The following RC3H2 variants were observed in gnomAD, a reference collection of about 807,000 sequenced individuals.
RC3H2 encodes roquin-2.
A neutral mutation model predicts 133.3 loss-of-function variants in RC3H2; 31 were observed. The ratio of observed to expected loss-of-function variants is 0.23; its 90% CI spans 0.17 to 0.31. RC3H2 has a LOEUF of 0.31. Among genes scored for constraint, RC3H2 ranks in the 10% least tolerant of loss-of-function variants. The probability of loss-of-function intolerance (pLI) is 1.00; values close to 1 mark genes in which losing one functional copy is unlikely to be tolerated. For missense variants in RC3H2, 1,175 were observed against 1,437.2 expected, an observed-to-expected ratio of 0.82 and a Z score of 2.95; for synonymous variants, 517 against 502.2, an observed-to-expected ratio of 1.03 and a Z score of -0.40.
At chr9:122,858,573 C>T (rs143886635) in intron 12 of RC3H2, 96 bp downstream of exon 12, 27 of 1,006,932 alleles carry the variant, frequency 2.7e-5, no homozygotes, top group Non-Finnish European at 3.7e-5. Flanking sequence ...TTAAGTCACA[C>T]AATTAGTAAG....
At position 122,854,241 on chromosome 9, in the gene RC3H2, A is replaced by G. The variant is rs1830160620; in HGVS notation, c.2926T>C (p.Ser976Pro). ...ERDRFIVTDL[S>P]GHRKHSSTGD... Reference sequence around the variant, plus strand: ...GTACTGGAATGCTTTCTATGACCAGATAAATCAGTAACAATGAATCTGTCC... The same window carrying G: ...GTACTGGAATGCTTTCTATGACCAGGTAAATCAGTAACAATGAATCTGTCC... The change falls in exon 17 of 21, where the codon TCT (serine) becomes CCT (proline). Residue 976 changes from serine (S) to proline (P), a missense_variant. This residue lies in a region of RC3H2 where 138 missense variants were observed against 215.0 expected (regional missense o/e 0.64). Coordinates refer to ENST00000357244, the MANE Select transcript of RC3H2 (RefSeq NM_001100588.3). The G allele has an allele frequency of 2.5e-6, 4 of 1,613,586 alleles. No homozygotes were observed. The highest frequency in any genetic ancestry group is 3.4e-6 in the Non-Finnish European group (4 of 1,179,736).
At chr9:122,873,383 G>A (rs1049149161) in intron 9 of RC3H2, among the ~76,000 whole-genome samples, 1 of 152,150 alleles carries the variant, frequency 6.6e-6, no homozygotes, top group Non-Finnish European at 1.5e-5. Context: ...CTGAGTTTAT[G>A]TTATCAGGTG....
intron 8 of RC3H2, among the ~76,000 whole-genome samples, chr9:122,879,495 C>T (rs1354371709): frequency 2.0e-5 from 3 of 151,786 alleles, no homozygotes; most frequent in Non-Finnish European, 4.4e-5. Context: ...TGAGACAAAA[C>T]GTTTGGAATC....
At chr9:122,857,008 T>C (rs1353361739) in intron 13 of RC3H2, among the ~76,000 whole-genome samples, 6 of 152,218 alleles carry the variant, frequency 3.9e-5, no homozygotes, top group Admixed American at 2.0e-4. Flanking sequence ...GGATCTAGTT[T>C]AAAAATTCAA....
chr9:122,904,590 G>A (rs1202475170), intron 1 of RC3H2, among the ~76,000 whole-genome samples: 3 of 152,148 alleles, frequency 2.0e-5, no homozygotes, highest in Non-Finnish European at 2.9e-5. Flanking sequence ...CACAACCCCT[G>A]TGCAACCACT....
intron 18 of RC3H2, among the ~76,000 whole-genome samples, chr9:122,852,800 G>A (rs1355559256): frequency 2.0e-5 from 3 of 151,490 alleles, no homozygotes; most frequent in South Asian, 2.1e-4. Flanking sequence ...CCATCCGGGA[G>A]GTGAGGGGCG....
At chr9:122,855,937 A>G in intron 13 of RC3H2, 59 bp from the exon 14 acceptor site, 1 of 1,375,994 alleles carries the variant, frequency 7.3e-7, no homozygotes, top group Non-Finnish European at 9.9e-7. Flanking sequence ...ACAAGCTTGT[A>G]ACTAATATAA....
chr9:122,854,871 A>G lies in RC3H2; in HGVS notation c.2816-256T>C, dbSNP rs145296333. 3.3e-3 allele frequency among the ~76,000 whole-genome samples: 509 copies of G among 152,252 alleles called. 1 individual carries two copies. Among genetic ancestry groups the G allele is most frequent in the African/African-American group, 0.012 (489 of 41,548 alleles). On this transcript the variant is annotated intron_variant, in intron 15 of 20. Transcript: ENST00000357244. The stretch of plus-strand genomic sequence containing the variant: ...GTAATCCCAGCACTTTGCGAGGCTG[A>G]GGCGGGTGGATCACATGAGGCCAGG...
chr9:122,904,803 G>A (rs1016976088), intron 1 of RC3H2, among the ~76,000 whole-genome samples: 13 of 152,332 alleles, frequency 8.5e-5, no homozygotes, highest in Non-Finnish European at 1.9e-4. Flanking sequence ...GTAGAAAAGG[G>A]AGAGTGAAGC....
chr9:122,865,327 A>G (rs1311272268), intron 10 of RC3H2, 22 bp downstream of exon 10: 2 of 1,561,524 alleles, frequency 1.3e-6, no homozygotes, highest in Non-Finnish European at 1.7e-6. Context: ...ATTTCCAGTA[A>G]TCATTTTTAC....
At chr9:122,867,249 G>A (rs566961357) in intron 9 of RC3H2, among the ~76,000 whole-genome samples, 195 of 90,362 alleles carry the variant, frequency 2.2e-3, no homozygotes, top group Middle Eastern at 6.3e-3. Context: ...TCAGCCCCCC[G>A]CCCGGCCAGC....
intron 1 of RC3H2, among the ~76,000 whole-genome samples, chr9:122,902,689 T>A (rs984542969): frequency 6.6e-6 from 1 of 151,906 alleles, no homozygotes; most frequent in Non-Finnish European, 1.5e-5. Context: ...CCATCTCTAC[T>A]AAAAATACAA....
At chr9:122,892,871 G>A in intron 3 of RC3H2, 38 bp downstream of exon 3, 1 of 1,495,008 alleles carries the variant, frequency 6.7e-7, no homozygotes, top group South Asian at 1.1e-5. Context: ...GTACTACCAA[G>A]TCCTACTTAT....
At position 122,849,305 on chromosome 9, in the gene RC3H2, T is replaced by G. The variant is rs1331515230; in HGVS notation, c.*322A>C. The G allele has an allele frequency of 6.6e-6, 1 of 152,288 alleles. No homozygotes were observed. The highest frequency in any genetic ancestry group is 2.4e-5 in the African/African-American group (1 of 41,452). The allele number at this position is 152,288 out of a possible 1,614,324, so 9.4% of individuals were successfully genotyped here. On this transcript the variant is annotated 3_prime_UTR_variant, in exon 21 of 21. Coordinates refer to ENST00000357244, the MANE Select transcript of RC3H2 (RefSeq NM_001100588.3). ...TTGTTAATTTTCTATAGAAGCCATT[T>G]AAAATAGGAAATGGCTCAGTTACTG...
Position 122,854,193 on chromosome 9 carries a change from G to T in RC3H2, c.2974C>A (p.Leu992Ile). ...SSTGDLLSLE[L>I]QQAKSNSLLL... Reference sequence around the variant, plus strand: ...TGAGTTACAGAGCCTACCTGCTGAAGTTCAAGGCTCAAAAGGTCCCCAGTA... The same window carrying T: ...TGAGTTACAGAGCCTACCTGCTGAATTTCAAGGCTCAAAAGGTCCCCAGTA... Residue 992 changes from leucine to isoleucine, a missense_variant, in exon 17 of 21, where the codon CTT becomes ATT. Physicochemically the swap from Leu to Ile is conservative, Grantham distance 5. This residue lies in a region of RC3H2 where 138 missense variants were observed against 215.0 expected (regional missense o/e 0.64). Coordinates refer to ENST00000357244, the MANE Select transcript of RC3H2 (RefSeq NM_001100588.3). 1 of 1,613,824 alleles carries T rather than the reference G, an allele frequency of 6.2e-7. No individual in the cohort carries two copies. Among genetic ancestry groups the T allele is most frequent in the Non-Finnish European group, 8.5e-7 (1 of 1,179,856 alleles).
At position 122,897,373 on chromosome 9, in the gene RC3H2, T is replaced by C; in HGVS notation, c.137A>G (p.His46Arg). 4 of 1,614,204 alleles carry C rather than the reference T, an allele frequency of 2.5e-6. No individual in the cohort carries two copies. The highest frequency in any genetic ancestry group is 3.4e-6 in the Non-Finnish European group (4 of 1,180,020). Residue 46 changes from histidine to arginine, a missense_variant, in exon 2 of 21, where the codon CAT (histidine) becomes CGT (arginine). By Grantham distance (29) the His-to-Arg change is conservative. Around this residue, in one of 8 missense-constraint regions of RC3H2, gnomAD observed 41 missense variants for 88.0 expected, o/e 0.47. Transcript: ENST00000357244. Reference protein sequence around the residue: ...TVCKTCLNKLHRKACPFDQTA... With the variant: ...TVCKTCLNKLRRKACPFDQTA... ...CTGGTCAAAAGGACAAGCTTTTCGA[T>C]GAAGTTTATTCAAGCAGGTCTTGCA...
At chr9:122,852,467 C>T (rs1344738507) in intron 18 of RC3H2, among the ~76,000 whole-genome samples, 3 of 147,544 alleles carry the variant, frequency 2.0e-5, no homozygotes, top group Admixed American at 6.6e-5. Flanking sequence ...CGCCTCTGCC[C>T]GGCCGCCCCT....
At position 122,865,538 on chromosome 9, in the gene RC3H2, C is replaced by T; in HGVS notation, c.1445G>A (p.Ser482Asn). The change falls in exon 10 of 21, where the codon AGT becomes AAT. Residue 482 changes from serine to asparagine, a missense_variant. Ser to Asn is a conservative substitution (Grantham distance 46). Coordinates refer to ENST00000357244, the MANE Select transcript of RC3H2 (RefSeq NM_001100588.3). ...TAGNVISVIGSTETTGKIVPS... is the reference protein window; with the variant it reads ...TAGNVISVIGNTETTGKIVPS... The stretch of plus-strand genomic sequence containing the variant: ...AACAATTTTCCCTGTTGTTTCAGTA[C>T]TTCCTATGACAGAAATGACATTTCC... The T allele has an allele frequency of 6.2e-7, 1 of 1,614,196 alleles. No homozygotes were observed. The highest frequency in any genetic ancestry group is 8.5e-7 in the Non-Finnish European group (1 of 1,180,038).
rs1168882825 is a variant in RC3H2, at chr9:122,868,921, G to T, written c.1326-3264C>A. Among the ~76,000 whole-genome samples the T allele has an allele frequency of 4.8e-3, 559 of 117,622 alleles. 53 individuals carry two copies. Among genetic ancestry groups the T allele is most frequent in the East Asian group, 0.02 (48 of 2,448 alleles). The allele number at this position is 117,622 out of a possible 152,430, so 77.2% of individuals were successfully genotyped here. The stretch of plus-strand genomic sequence containing the variant: ...TTTTTTTTTTTTTTTTTTGTGGGGG[G>T]GTTAAGTTCCACTCTTGTCGCCCAG... On this transcript the variant is annotated intron_variant, in intron 9 of 20. Coordinates refer to ENST00000357244, the MANE Select transcript of RC3H2 (RefSeq NM_001100588.3).
Sources: allele counts gnomAD v4.1 joint callset (sites outside exome capture counted in the v4.1 genomes callset), GRCh38; gene constraint gnomAD v4.1.1; regional missense constraint gnomAD v4.1.1; transcripts MANE v1.5; gene names NCBI Gene and HGNC (gene_info 2026-07-23, HGNC 2026-07-21).